ACBD6: variants seen among roughly 807,000 people sequenced by gnomAD.
ACBD6 encodes the protein acyl-CoA-binding domain-containing protein 6.
Under a neutral mutation model 37.2 loss-of-function variants are expected in ACBD6, and 28 were observed. The observed-to-expected ratio is 0.75, with a 90% CI of 0.56 to 1.03. ACBD6 has a LOEUF of 1.03. Ranked by LOEUF, ACBD6 falls within the 50% of genes least tolerant of loss-of-function variation. The pLI, the probability that ACBD6 is intolerant of heterozygous loss-of-function variation, is 0.00. For missense variants in ACBD6, 340 were observed against 337.4 expected, an observed-to-expected ratio of 1.01 and a Z score of -0.06; for synonymous variants, 113 against 126.8, an observed-to-expected ratio of 0.89 and a Z score of 0.73.
intron 7 of ACBD6, among the ~76,000 whole-genome samples, chr1:180,310,964 G>T (rs1275542487): frequency 6.6e-6 from 1 of 152,138 alleles, no homozygotes. Context: ...ATGTACAAAG[G>T]TACATAAGAT....
chr1:180,426,433 C>T (rs1438488049), intron 4 of ACBD6, among the ~76,000 whole-genome samples: 1 of 152,168 alleles, frequency 6.6e-6, no homozygotes, highest in Admixed American at 6.5e-5. Flanking sequence ...TCATCTTACT[C>T]TACAAACCCC....
At chr1:180,358,435 CAACAACAACAACAAAA>C (rs1652711844) in intron 6 of ACBD6, among the ~76,000 whole-genome samples, 1 of 15,008 alleles carries the variant, frequency 6.7e-5, no homozygotes, top group Non-Finnish European at 1.3e-4. Context: ...TCAAAAACAA[CAACAACAACAACAAAA>C]AAAAAAAACC....
At chr1:180,270,913 A>G (rs1648608544) in exon 14 of ACBD6, 1 of 244,602 alleles carries the variant, frequency 4.1e-6, no homozygotes, top group African/African-American at 2.2e-5. Context: ...CGCCAGGGCA[A>G]AGGTGACATG....
chr1:180,489,357 G>A (rs1374856223), intron 3 of ACBD6, among the ~76,000 whole-genome samples: 1 of 151,212 alleles, frequency 6.6e-6, no homozygotes, highest in Admixed American at 6.6e-5. Context: ...AAAGCTATGA[G>A]TCAAAGGGGA....
intron 6 of ACBD6, among the ~76,000 whole-genome samples, chr1:180,393,100 G>A (rs1654136079): frequency 1.3e-5 from 2 of 152,142 alleles, no homozygotes; most frequent in Non-Finnish European, 2.9e-5. Context: ...GTGTGTGTGC[G>A]TGCGCACGCC....
intron 3 of ACBD6, among the ~76,000 whole-genome samples, chr1:180,490,090 G>A (rs1651434348): frequency 6.6e-6 from 1 of 151,190 alleles, no homozygotes; most frequent in African/African-American, 2.5e-5. Flanking sequence ...CAATAGTGTA[G>A]TATAAATCAA....
chr1:180,398,059 TACAACAACA>T (rs10583778), intron 5 of ACBD6, among the ~76,000 whole-genome samples: 22 of 149,382 alleles, frequency 1.5e-4, no homozygotes, highest in Admixed American at 2.0e-4. Context: ...TCTCAAAAAC[TACAACAACA>T]ACAACAACAA....
chr1:180,327,713 C>T (rs1296987894), intron 6 of ACBD6, among the ~76,000 whole-genome samples: 1 of 152,052 alleles, frequency 6.6e-6, no homozygotes, highest in African/African-American at 2.4e-5. Flanking sequence ...CATTTATTTC[C>T]TACAGTGTGG....
At chr1:180,274,602 C>T (rs758429350) in intron 10 of ACBD6, 1 of 1,540,074 alleles carries the variant, frequency 6.5e-7, no homozygotes, top group East Asian at 2.3e-5. Context: ...CCCACCCTAC[C>T]TGCCCCCCTG....
chr1:180,424,747 G>GA (rs1294588146), intron 4 of ACBD6, among the ~76,000 whole-genome samples: 1 of 151,964 alleles, frequency 6.6e-6, no homozygotes, highest in Non-Finnish European at 1.5e-5. Context: ...AACAAAACTG[G>GA]AAAAAGGAAG....
chr1:180,321,663 G>T (rs1304906926), intron 6 of ACBD6, among the ~76,000 whole-genome samples: 10 of 151,940 alleles, frequency 6.6e-5, no homozygotes, highest in Non-Finnish European at 2.9e-5. Context: ...GCAAGACTCT[G>T]TCTCAAAAAT....
chr1:180,312,423 G>A (rs538807291), intron 7 of ACBD6, among the ~76,000 whole-genome samples: 1 of 152,092 alleles, frequency 6.6e-6, no homozygotes, highest in South Asian at 2.1e-4. Flanking sequence ...CAGCATCCCT[G>A]CTAAATTGTA....
In ACBD6 at chr1:180,403,006, T is replaced by C. The variant is rs989405443; in HGVS notation, c.574-5401A>G. The stretch of plus-strand genomic sequence containing the variant: ...TCACATGATGGAACATATTCAGCAG[T>C]ATAAAAGAAGGAAGTACTGAACTAT... On this transcript the variant is annotated intron_variant, in intron 5 of 7. Coordinates refer to ENST00000367595, the MANE Select transcript of ACBD6 (RefSeq NM_032360.4). 8.6e-5 allele frequency among the ~76,000 whole-genome samples: 13 copies of C among 152,028 alleles called. No homozygotes were observed. The South Asian group carries it at 1.7e-3, about 19-fold the overall frequency.
intron 9 of ACBD6, among the ~76,000 whole-genome samples, chr1:180,279,902 G>A (rs1019192928): frequency 2.6e-5 from 4 of 151,834 alleles, no homozygotes; most frequent in African/African-American, 7.3e-5. Flanking sequence ...AAACTACAGC[G>A]TGTTTCTTTT....
intron 6 of ACBD6, among the ~76,000 whole-genome samples, chr1:180,372,290 A>G (rs928853270): frequency 3.9e-5 from 6 of 152,142 alleles, no homozygotes; most frequent in Non-Finnish European, 8.8e-5. Context: ...CACAGATTCA[A>G]CAATTAACTT....
intron 3 of ACBD6, chr1:180,434,760 A>G (rs1009973061): frequency 1.6e-6 from 1 of 620,730 alleles, no homozygotes; most frequent in Non-Finnish European, 3.0e-6. Context: ...AACAGGCCAT[A>G]GCCGCAACCG....
Position 180,455,383 on chromosome 1 carries a change from CA to C in ACBD6, c.385-25122del, listed in dbSNP as rs1374252063. On this transcript the variant is annotated intron_variant, in intron 3 of 7. Transcript: ENST00000367595. ...CCAGGGCCTATCGGGGGTTGGGGGA[CA>C]GGGGGAGGGATAGCATTAGAAGAAA... Among the ~76,000 whole-genome samples, 9 of 149,858 alleles carry C rather than the reference CA, an allele frequency of 6.0e-5. No homozygotes were observed. In the South Asian group the frequency reaches 6.3e-4, roughly 11 times the overall value.
At chr1:180,443,225 G>C (rs1282257146) in intron 3 of ACBD6, among the ~76,000 whole-genome samples, 2 of 152,096 alleles carry the variant, frequency 1.3e-5, no homozygotes, top group African/African-American at 4.8e-5. Context: ...ATTTAATTTA[G>C]CACAGCTACT....
chr1:180,489,606 G>C (rs992244530), intron 3 of ACBD6, among the ~76,000 whole-genome samples: 1 of 151,184 alleles, frequency 6.6e-6, no homozygotes, highest in South Asian at 2.1e-4. Flanking sequence ...TGTTCAATAG[G>C]TTAGATTTAG....
Sources: allele counts gnomAD v4.1 joint callset (sites outside exome capture counted in the v4.1 genomes callset), GRCh38; gene constraint gnomAD v4.1.1; transcripts MANE v1.5; gene names NCBI Gene and HGNC (gene_info 2026-07-23, HGNC 2026-07-21).